Variants in GRIA2 observed in about 807,000 individuals in gnomAD.
GRIA2 encodes the protein glutamate receptor 2.
Under a neutral mutation model 97.3 loss-of-function variants are expected in GRIA2, and 14 were observed. That is an observed-to-expected ratio of 0.14 (90% CI 0.10 to 0.23). The LOEUF (loss-of-function observed/expected upper bound fraction) is 0.23, where lower values mean the gene tolerates loss of function less well. Ranked by LOEUF, GRIA2 falls within the 10% of genes least tolerant of loss-of-function variation. The pLI is 1.00. For missense variants in GRIA2, 558 were observed against 1,069.8 expected, an observed-to-expected ratio of 0.52 and a Z score of 6.67; for synonymous variants, 412 against 387.8, an observed-to-expected ratio of 1.06 and a Z score of -0.73.
chr4:157,255,781 G>A (rs559954685), intron 2 of GRIA2, among the ~76,000 whole-genome samples: 12 of 151,442 alleles, frequency 7.9e-5, no homozygotes, highest in South Asian at 2.1e-4. Flanking sequence ...CTCAACAACC[G>A]TAACAAAAAC....
At chr4:157,322,583 G>A (rs1734625989) in intron 6 of GRIA2, among the ~76,000 whole-genome samples, 1 of 152,164 alleles carries the variant, frequency 6.6e-6, no homozygotes, top group Non-Finnish European at 1.5e-5. Flanking sequence ...TGACAGGAAG[G>A]TATTTTTCCT....
Position 157,355,144 on chromosome 4 carries a change from T to C in GRIA2, c.2044-4752T>C, listed in dbSNP as rs72964603. 3.0e-3 allele frequency among the ~76,000 whole-genome samples: 450 copies of C among 152,318 alleles called. 3 individuals are homozygous for C. Among genetic ancestry groups the C allele is most frequent in the African/African-American group, 0.01 (428 of 41,570 alleles). Reference sequence around the variant, plus strand: ...AAAACAGGGAACCAACCAGCCTGCTTGTCTCAATGTCATCCTGAATTATTT... The same window carrying C: ...AAAACAGGGAACCAACCAGCCTGCTCGTCTCAATGTCATCCTGAATTATTT... On this transcript the variant is annotated intron_variant, in intron 12 of 15. Transcript: ENST00000264426.
chr4:157,234,272 T>C (rs1390351037), intron 2 of GRIA2, among the ~76,000 whole-genome samples: 2 of 152,098 alleles, frequency 1.3e-5, no homozygotes, highest in African/African-American at 2.4e-5. Flanking sequence ...CTTAGCTCCG[T>C]GCTTATAGGT....
At chr4:157,310,520 CTA>C (rs1560759665) in intron 3 of GRIA2, among the ~76,000 whole-genome samples, 1 of 151,978 alleles carries the variant, frequency 6.6e-6, no homozygotes, top group Non-Finnish European at 1.5e-5. Context: ...TTTGCTTGAT[CTA>C]TATCTCTTTT....
intron 12 of GRIA2, among the ~76,000 whole-genome samples, chr4:157,359,356 C>T (rs961355664): frequency 4.6e-5 from 7 of 152,020 alleles, no homozygotes; most frequent in African/African-American, 1.4e-4. Flanking sequence ...AAAGAATATT[C>T]TTTTAAAAAT....
At chr4:157,258,913 G>T (rs1731403372) in intron 2 of GRIA2, among the ~76,000 whole-genome samples, 1 of 152,030 alleles carries the variant, frequency 6.6e-6, no homozygotes, top group African/African-American at 2.4e-5. Flanking sequence ...GAAAAAAATT[G>T]TAGAAGATAA....
At chr4:157,258,983 A>T (rs917961910) in intron 2 of GRIA2, among the ~76,000 whole-genome samples, 4 of 152,074 alleles carry the variant, frequency 2.6e-5, no homozygotes, top group Non-Finnish European at 4.4e-5. Flanking sequence ...TTGGGAGGCC[A>T]AGACAGGACA....
chr4:157,232,829 T>C (rs990607475), intron 2 of GRIA2, among the ~76,000 whole-genome samples: 4 of 152,202 alleles, frequency 2.6e-5, no homozygotes, highest in African/African-American at 7.2e-5. Flanking sequence ...TAGCATGGGT[T>C]AAGCATCTGC....
rs1394339930 is a variant in GRIA2, at chr4:157,355,682, TTATATATTTATTTA to T, written c.2044-4204_2044-4191del. On this transcript the variant is annotated intron_variant, in intron 12 of 15. Transcript: ENST00000264426. ...TTTATATTTATTTTTATATATTTAT[TTATATATTTATTTA>T]TATATATTTGTATATATTTATTTAT... Among the ~76,000 whole-genome samples, 609 of 90,164 alleles carry T rather than the reference TTATATATTTATTTA, an allele frequency of 6.8e-3. 2 individuals are homozygous for T. The highest frequency in any genetic ancestry group is 0.014 in the Admixed American group (81 of 5,754). 59.2% of individuals were successfully genotyped at this position (90,164 alleles called of 152,430 possible).
intron 2 of GRIA2, among the ~76,000 whole-genome samples, chr4:157,294,706 G>GC (rs1733263270): frequency 6.6e-6 from 1 of 152,086 alleles, no homozygotes; most frequent in African/African-American, 2.4e-5. Context: ...ACAGGCCCAA[G>GC]TATGAGCTTT....
intron 3 of GRIA2, among the ~76,000 whole-genome samples, chr4:157,308,655 T>C (rs571600695): frequency 6.6e-6 from 1 of 152,308 alleles, no homozygotes; most frequent in South Asian, 2.1e-4. Context: ...TACTAATAGC[T>C]TTAAATGAAC....
chr4:157,252,369 G>C (rs1731055654), intron 2 of GRIA2, among the ~76,000 whole-genome samples: 1 of 152,050 alleles, frequency 6.6e-6, no homozygotes, highest in South Asian at 2.1e-4. Context: ...TTGGTTATTT[G>C]ACCAACATTT....
intron 12 of GRIA2, 113 bp downstream of exon 12, chr4:157,341,575 C>G (rs1401468424): frequency 2.8e-6 from 2 of 707,182 alleles, no homozygotes; most frequent in Non-Finnish European, 2.5e-6. Flanking sequence ...ACCCCTAATT[C>G]TATTTCTTTT....
At chr4:157,221,589 T>A in intron 1 of GRIA2, 78 bp from the exon 2 acceptor site, 2 of 1,455,046 alleles carry the variant, frequency 1.4e-6, no homozygotes, top group Non-Finnish European at 1.9e-6. Context: ...TCTTGGATTT[T>A]TGGGCGCTAG....
At chr4:157,259,027 G>C (rs1731409287) in intron 2 of GRIA2, among the ~76,000 whole-genome samples, 1 of 152,008 alleles carries the variant, frequency 6.6e-6, no homozygotes, top group South Asian at 2.1e-4. Flanking sequence ...TTCGAGACCA[G>C]CCTGGGTAAT....
At chr4:157,345,276 T>C (rs976959018) in intron 12 of GRIA2, among the ~76,000 whole-genome samples, 1 of 151,986 alleles carries the variant, frequency 6.6e-6, no homozygotes, top group Non-Finnish European at 1.5e-5. Context: ...AGAGAGTAAA[T>C]GGAGAACAAT....
At chr4:157,322,692 C>G in intron 6 of GRIA2, among the ~76,000 whole-genome samples, 1 of 152,164 alleles carries the variant, frequency 6.6e-6, no homozygotes, top group South Asian at 2.1e-4. Flanking sequence ...TGTTCACATT[C>G]TTTATGAAAA....
Position 157,265,670 on chromosome 4 carries a change from C to G in GRIA2, c.230-37882C>G, listed in dbSNP as rs374183700. Among the ~76,000 whole-genome samples the G allele has an allele frequency of 3.0e-4, 46 of 152,162 alleles. 2 individuals are homozygous for G. The South Asian group carries it at 9.3e-3, about 31-fold the overall frequency. The stretch of plus-strand genomic sequence containing the variant: ...ATTTCAATCTTAATAGAGCTGTGAC[C>G]AAGAAGCTGTAGCCAACTTTATTCT... On this transcript the variant is annotated intron_variant, in intron 2 of 15. Transcript: ENST00000264426.
intron 2 of GRIA2, among the ~76,000 whole-genome samples, chr4:157,266,875 AGAGT>A (rs1241324815): frequency 6.6e-6 from 1 of 152,004 alleles, no homozygotes; most frequent in Non-Finnish European, 1.5e-5. Context: ...TCTGGGCAGC[AGAGT>A]GAGACTCTGT....
Sources: gnomAD v4.1 joint callset for allele counts (sites outside exome capture counted in the v4.1 genomes callset) on GRCh38, gnomAD v4.1.1 for gene constraint, MANE v1.5 for transcripts, NCBI Gene and HGNC (gene_info 2026-07-23, HGNC 2026-07-21) for gene names.